Variants in CORO2B observed in about 807,000 individuals in gnomAD.
The protein encoded by CORO2B is coronin 2B, also known as coronin-2B.
Under a neutral mutation model 58.8 loss-of-function variants are expected in CORO2B, and 26 were observed. The observed-to-expected ratio is 0.44, with a 90% CI of 0.32 to 0.61. The LOEUF is 0.61. Ranked by LOEUF, CORO2B falls within the 20% of genes least tolerant of loss-of-function variation. The pLI, the probability that CORO2B is intolerant of heterozygous loss-of-function variation, is 0.04. For missense variants in CORO2B, 460 were observed against 645.1 expected, an observed-to-expected ratio of 0.71 and a Z score of 3.11; for synonymous variants, 242 against 253.8, an observed-to-expected ratio of 0.95 and a Z score of 0.44.
In CORO2B at chr15:68,624,519, G is replaced by A. The variant is rs142869406; in HGVS notation, c.16-20641G>A. Among the ~76,000 whole-genome samples the A allele has an allele frequency of 5.7e-3, 871 of 152,176 alleles. 1 individual carries two copies. The highest frequency in any genetic ancestry group is 9.2e-3 in the Non-Finnish European group (627 of 68,002). On this transcript the variant is annotated intron_variant, in intron 1 of 11. Coordinates refer to ENST00000261861, the MANE Select transcript of CORO2B (RefSeq NM_006091.5). Reference sequence around the variant, plus strand: ...TCCTCCAGCCTGGAACTGATATTAGGAACTACCGTCCCTTGGGCCTAAAAC... The same window carrying A: ...TCCTCCAGCCTGGAACTGATATTAGAAACTACCGTCCCTTGGGCCTAAAAC...
At chr15:68,714,729 C>A in intron 7 of CORO2B, 66 bp downstream of exon 7, 1 of 1,187,076 alleles carries the variant, frequency 8.4e-7, no homozygotes, top group Non-Finnish European at 1.2e-6. Flanking sequence ...TGCACCCCTG[C>A]ACCTGCCCCA....
chr15:68,708,260 A>G (rs1892828632), intron 3 of CORO2B, among the ~76,000 whole-genome samples: 1 of 152,110 alleles, frequency 6.6e-6, no homozygotes, highest in African/African-American at 2.4e-5. Context: ...GGAGGCACCA[A>G]GAAGGAAAAT....
chr15:68,681,035 G>A (rs1316968488), intron 2 of CORO2B, among the ~76,000 whole-genome samples: 1 of 152,140 alleles, frequency 6.6e-6, no homozygotes, highest in East Asian at 1.9e-4. Flanking sequence ...CCAACATGGT[G>A]AAACCCTGTC....
At chr15:68,605,225 CAAAGACACAT>C (rs1291041943) in intron 1 of CORO2B, among the ~76,000 whole-genome samples, 4 of 152,032 alleles carry the variant, frequency 2.6e-5, no homozygotes, top group East Asian at 3.9e-4. Flanking sequence ...AAGCCATTAT[CAAAGACACAT>C]AAAGTAAAGT....
At chr15:68,555,652 T>C in the CORO2B span, among the ~76,000 whole-genome samples, 25,021 of 152,298 alleles carry the variant, frequency 0.16, 2,278 homozygotes, top group Middle Eastern at 0.25. Context: ...CGTTTCTGCA[T>C]CTTGATGAAC....
chr15:68,611,022 T>C (rs1900235111), intron 1 of CORO2B, among the ~76,000 whole-genome samples: 1 of 152,200 alleles, frequency 6.6e-6, no homozygotes, highest in Non-Finnish European at 1.5e-5. Context: ...TTGGGAAACA[T>C]TTCACGTACT....
intron 2 of CORO2B, among the ~76,000 whole-genome samples, chr15:68,663,063 A>C (rs1436525770): frequency 6.6e-6 from 1 of 152,212 alleles, no homozygotes; most frequent in Non-Finnish European, 1.5e-5. Context: ...TATTGAAAAA[A>C]AATCTGTGGA....
chr15:68,664,655 A>G (rs578231339), intron 2 of CORO2B, among the ~76,000 whole-genome samples: 5 of 152,122 alleles, frequency 3.3e-5, no homozygotes, highest in African/African-American at 1.2e-4. Context: ...TCAAAAAAAA[A>G]CCAAAAACCA....
At chr15:68,677,683 G>A (rs1163947586) in intron 2 of CORO2B, among the ~76,000 whole-genome samples, 2 of 152,186 alleles carry the variant, frequency 1.3e-5, no homozygotes, top group Non-Finnish European at 2.9e-5. Flanking sequence ...TTGGGAAATT[G>A]TCCACCCTGT....
chr15:68,623,595 G>A (rs944770686), intron 1 of CORO2B, among the ~76,000 whole-genome samples: 7 of 152,106 alleles, frequency 4.6e-5, no homozygotes, highest in African/African-American at 1.7e-4. Flanking sequence ...AGGGCAGTGC[G>A]GTTGACTCCT....
intron 1 of CORO2B, among the ~76,000 whole-genome samples, chr15:68,638,955 G>C (rs111838706): frequency 1.5e-4 from 23 of 152,334 alleles, no homozygotes; most frequent in African/African-American, 5.5e-4. Flanking sequence ...CAGCCTGACA[G>C]CAGTACTGGG....
chr15:68,622,468 C>T (rs900684166), intron 1 of CORO2B, among the ~76,000 whole-genome samples: 2 of 152,290 alleles, frequency 1.3e-5, no homozygotes, highest in Non-Finnish European at 1.5e-5. Context: ...TCATTCAGTT[C>T]GACCTGAACC....
chr15:68,703,235 C>T (rs1892702555), intron 3 of CORO2B, among the ~76,000 whole-genome samples: 1 of 149,760 alleles, frequency 6.7e-6, no homozygotes, highest in Non-Finnish European at 1.5e-5. Context: ...ACTGCAACCT[C>T]CGACTCCCTG....
At chr15:68,723,067 CA>C (rs1208067814) in intron 11 of CORO2B, among the ~76,000 whole-genome samples, 1 of 141,922 alleles carries the variant, frequency 7.0e-6, no homozygotes, top group African/African-American at 2.6e-5. Flanking sequence ...AACTCCGTCT[CA>C]AAAAAACAAA....
chr15:68,552,479 G>GT, the CORO2B span, among the ~76,000 whole-genome samples: 40 of 147,706 alleles, frequency 2.7e-4, no homozygotes, highest in South Asian at 8.3e-3. Context: ...CGGGGGGGTG[G>GT]GGGGGGCAGG....
chr15:68,583,862 T>C (rs1013367589), intron 1 of CORO2B, among the ~76,000 whole-genome samples: 4 of 152,086 alleles, frequency 2.6e-5, no homozygotes, highest in Non-Finnish European at 2.9e-5. Flanking sequence ...CAGACCCAGC[T>C]CCCGGGTGGG....
intron 2 of CORO2B, among the ~76,000 whole-genome samples, chr15:68,656,785 C>T (rs1269595046): frequency 6.6e-6 from 1 of 152,232 alleles, no homozygotes; most frequent in Non-Finnish European, 1.5e-5. Flanking sequence ...CCTAACTGAT[C>T]TGTGCCTCAG....
intron 2 of CORO2B, among the ~76,000 whole-genome samples, chr15:68,684,530 A>G (rs1399719854): frequency 2.6e-5 from 4 of 152,232 alleles, no homozygotes; most frequent in Non-Finnish European, 4.4e-5. Flanking sequence ...AAGCATATAC[A>G]TGTGTATGTT....
intron 1 of CORO2B, among the ~76,000 whole-genome samples, chr15:68,619,152 T>A (rs1900446151): frequency 6.6e-6 from 1 of 152,214 alleles, no homozygotes; most frequent in Admixed American, 6.5e-5. Context: ...GAATGAATCA[T>A]GTTTTCCTTT....
Sources: allele counts gnomAD v4.1 joint callset (sites outside exome capture counted in the v4.1 genomes callset), GRCh38; gene constraint gnomAD v4.1.1; transcripts MANE v1.5; gene names NCBI Gene and HGNC (gene_info 2026-07-23, HGNC 2026-07-21).